The following MS4A5 variants were observed in gnomAD, a reference collection of about 807,000 sequenced individuals.
MS4A5 encodes the protein membrane-spanning 4-domains subfamily A member 5.
A neutral mutation model predicts 18.2 loss-of-function variants in MS4A5; 15 were observed. The observed-to-expected ratio is 0.83, with a 90% CI of 0.55 to 1.27. The LOEUF is 1.27. MS4A5 is among the 50% of genes most tolerant of loss of function. The pLI is 0.00. For synonymous variants in MS4A5, 89 were observed against 78.7 expected, an observed-to-expected ratio of 1.13 and a Z score of -0.69; for missense variants, 232 against 225.7, an observed-to-expected ratio of 1.03 and a Z score of -0.18.
At chr11:60,447,060 T>G (rs1228497200) in intron 4 of MS4A5, among the ~76,000 whole-genome samples, 1 of 152,086 alleles carries the variant, frequency 6.6e-6, no homozygotes, top group Non-Finnish European at 1.5e-5. Context: ...TCCCATGCTA[T>G]GCTATGCTAT....
intron 3 of MS4A5, 83 bp from the exon 4 acceptor site, chr11:60,433,682 G>A (rs1590830936): frequency 1.5e-6 from 2 of 1,365,062 alleles, no homozygotes; most frequent in East Asian, 4.6e-5. Flanking sequence ...CTAAAATCCT[G>A]CTCTCCATTC....
chr11:60,432,280 C>T lies in MS4A5; in HGVS notation c.283-131C>T, dbSNP rs1226616338. On this transcript the variant is annotated intron_variant, in intron 2 of 4. Transcript: ENST00000300190. ...GGAAAGTCATATAAAGCAACTCACC[C>T]TTCTCACTGCCCTGAGGAGTGTGTG... 2.5e-5 allele frequency: 12 copies of T among 488,280 alleles called. No individual in the cohort carries two copies. In the South Asian group the frequency reaches 3.5e-4, roughly 14 times the overall value. The allele number at this position is 488,280 out of a possible 1,614,324, so 30.2% of individuals were successfully genotyped here.
At position 60,432,914 on chromosome 11, in the gene MS4A5, T is replaced by C. The variant is rs1028964214; in HGVS notation, c.339+447T>C. 2.0e-5 allele frequency among the ~76,000 whole-genome samples: 3 copies of C among 152,308 alleles called. No individual in the cohort carries two copies. The South Asian group carries it at 6.2e-4, about 32-fold the overall frequency. ...CACCATAATTCCACAAACTATCAAG[T>C]ATTAATACCAATAAACAGCATTTGC... On this transcript the variant is annotated intron_variant, in intron 3 of 4. Transcript: ENST00000300190.
intron 4 of MS4A5, among the ~76,000 whole-genome samples, chr11:60,438,239 C>T (rs1211858765): frequency 6.6e-6 from 1 of 152,110 alleles, no homozygotes; most frequent in Non-Finnish European, 1.5e-5. Context: ...AACAAAGACA[C>T]AACATATCAG....
chr11:60,444,465 T>A (rs1463447192), intron 4 of MS4A5, among the ~76,000 whole-genome samples: 5 of 151,846 alleles, frequency 3.3e-5, no homozygotes, highest in African/African-American at 1.2e-4. Flanking sequence ...AAAAATAAAA[T>A]AAAATGGACT....
intron 4 of MS4A5, among the ~76,000 whole-genome samples, chr11:60,445,570 T>A (rs2086134539): frequency 6.6e-6 from 1 of 152,172 alleles, no homozygotes; most frequent in Non-Finnish European, 1.5e-5. Flanking sequence ...AAAATACACT[T>A]CTTTATATAT....
chr11:60,437,960 C>T (rs994954103), intron 4 of MS4A5, among the ~76,000 whole-genome samples: 12 of 152,288 alleles, frequency 7.9e-5, no homozygotes, highest in African/African-American at 2.6e-4. Context: ...GCCAAATCAA[C>T]AGAATATACA....
chr11:60,434,448 C>T (rs11230312), intron 4 of MS4A5, among the ~76,000 whole-genome samples: 229 of 152,202 alleles, frequency 1.5e-3, no homozygotes, highest in Non-Finnish European at 2.4e-3. Flanking sequence ...AAATTGAAAA[C>T]CCACCATCTA....
intron 4 of MS4A5, among the ~76,000 whole-genome samples, chr11:60,443,764 A>G (rs1331692929): frequency 1.3e-5 from 2 of 152,108 alleles, no homozygotes; most frequent in Non-Finnish European, 2.9e-5. Flanking sequence ...GAAAACACAA[A>G]CTATCATTAT....
intron 4 of MS4A5, among the ~76,000 whole-genome samples, chr11:60,438,540 G>GA (rs1207284744): frequency 6.6e-6 from 1 of 151,514 alleles, no homozygotes; most frequent in African/African-American, 2.4e-5. Flanking sequence ...GACTAATAAA[G>GA]AAAAAAAGAG....
intron 3 of MS4A5, 65 bp from the exon 4 acceptor site, chr11:60,433,700 T>C: frequency 6.7e-7 from 1 of 1,497,982 alleles, no homozygotes; most frequent in East Asian, 2.3e-5. Flanking sequence ...TTCTCCGCAC[T>C]CATTGCTTTG....
At chr11:60,437,787 C>T (rs2135175266) in intron 4 of MS4A5, among the ~76,000 whole-genome samples, 1 of 151,106 alleles carries the variant, frequency 6.6e-6, no homozygotes, top group South Asian at 2.1e-4. Context: ...TCCTGAGTGA[C>T]CTACAAAGAG....
chr11:60,443,590 A>C (rs945628654), intron 4 of MS4A5, among the ~76,000 whole-genome samples: 2 of 152,022 alleles, frequency 1.3e-5, no homozygotes, highest in African/African-American at 2.4e-5. Flanking sequence ...AAAGAAAATG[A>C]AAGAATTGAG....
In MS4A5 at chr11:60,440,271, C is replaced by T. The variant is rs374218962; in HGVS notation, c.492+6354C>T. Reference sequence around the variant, plus strand: ...CCTTCCTTACACCTTATACAAAAATCAATTCAAGATGGATTAAAGACTTAA... The same window carrying T: ...CCTTCCTTACACCTTATACAAAAATTAATTCAAGATGGATTAAAGACTTAA... On this transcript the variant is annotated intron_variant, in intron 4 of 4. Transcript: ENST00000300190. 4.8e-5 allele frequency among the ~76,000 whole-genome samples: 5 copies of T among 104,436 alleles called. No homozygotes were observed. In the South Asian group the frequency reaches 1.1e-3, roughly 22 times the overall value. The allele number at this position is 104,436 out of a possible 152,430, so 68.5% of individuals were successfully genotyped here.
At chr11:60,441,087 C>A in intron 4 of MS4A5, among the ~76,000 whole-genome samples, 1 of 88,112 alleles carries the variant, frequency 1.1e-5, no homozygotes, top group Non-Finnish European at 2.3e-5. Context: ...CCATGGAATA[C>A]TATGCAGCCA....
chr11:60,438,045 T>C (rs1366552418), intron 4 of MS4A5, among the ~76,000 whole-genome samples: 2 of 152,040 alleles, frequency 1.3e-5, no homozygotes, highest in Non-Finnish European at 2.9e-5. Context: ...TCAGCAAATG[T>C]AAAAGAACAG....
chr11:60,432,323 T>G, intron 2 of MS4A5, 88 bp from the exon 3 acceptor site: 1 of 778,536 alleles, frequency 1.3e-6, no homozygotes, highest in East Asian at 2.9e-5. Flanking sequence ...AAGGCGGGCC[T>G]GTAAAAGAAA....
chr11:60,447,172 A>C (rs1202325586), intron 4 of MS4A5, among the ~76,000 whole-genome samples: 2 of 151,422 alleles, frequency 1.3e-5, no homozygotes, highest in African/African-American at 4.9e-5. Flanking sequence ...ATCCTATGTT[A>C]TGCTATGCTA....
At chr11:60,446,850 TTTC>T (rs747790975) in intron 4 of MS4A5, among the ~76,000 whole-genome samples, 2 of 151,444 alleles carry the variant, frequency 1.3e-5, no homozygotes, top group African/African-American at 4.8e-5. Context: ...TTTCCCTCTT[TTTC>T]TTTTCTATTT....
Sources: allele counts gnomAD v4.1 joint callset (sites outside exome capture counted in the v4.1 genomes callset), GRCh38; gene constraint gnomAD v4.1.1; transcripts MANE v1.5; gene names NCBI Gene and HGNC (gene_info 2026-07-23, HGNC 2026-07-21).